Variants in CADM1 observed in about 807,000 individuals in gnomAD.
CADM1 encodes the protein cell adhesion molecule 1.
A neutral mutation model predicts 53.1 loss-of-function variants in CADM1; 15 were observed. That is an observed-to-expected ratio of 0.28 (90% CI 0.19 to 0.44). The LOEUF is 0.44. Ranked by LOEUF, CADM1 falls within the 20% of genes least tolerant of loss-of-function variation. The pLI, the probability that CADM1 is intolerant of heterozygous loss-of-function variation, is 1.00. For missense variants in CADM1, 434 were observed against 611.3 expected, an observed-to-expected ratio of 0.71 and a Z score of 3.06; for synonymous variants, 281 against 243.0, an observed-to-expected ratio of 1.16 and a Z score of -1.45.
chr11:115,463,019 G>A (rs1948828084), intron 1 of CADM1, among the ~76,000 whole-genome samples: 1 of 152,182 alleles, frequency 6.6e-6, no homozygotes, highest in Admixed American at 6.5e-5. Context: ...ATGGGCTCCT[G>A]TAAAATAGGC....
intron 1 of CADM1, among the ~76,000 whole-genome samples, chr11:115,349,355 A>C (rs1402328008): frequency 6.6e-6 from 1 of 152,214 alleles, no homozygotes; most frequent in Non-Finnish European, 1.5e-5. Context: ...TTATTACAGG[A>C]AAGTATTTCT....
intron 1 of CADM1, among the ~76,000 whole-genome samples, chr11:115,348,973 G>C (rs1018163890): frequency 6.6e-6 from 1 of 152,148 alleles, no homozygotes; most frequent in Non-Finnish European, 1.5e-5. Flanking sequence ...ACATGCTAAT[G>C]TGACATTTTA....
intron 1 of CADM1, among the ~76,000 whole-genome samples, chr11:115,282,728 C>T (rs61074877): frequency 0.011 from 1,717 of 152,304 alleles, 35 homozygotes; most frequent in African/African-American, 0.037. Context: ...CATCTTCATA[C>T]ACCAATCGCC....
intron 1 of CADM1, among the ~76,000 whole-genome samples, chr11:115,419,157 T>C (rs988655852): frequency 1.3e-5 from 2 of 152,242 alleles, no homozygotes; most frequent in African/African-American, 4.8e-5. Flanking sequence ...GAAGTTTTTA[T>C]ACTTAGAATT....
At chr11:115,351,760 G>A (rs1945743633) in intron 1 of CADM1, among the ~76,000 whole-genome samples, 1 of 152,176 alleles carries the variant, frequency 6.6e-6, no homozygotes. Context: ...TAACCAGCAT[G>A]CTCTTTCTCA....
At chr11:115,443,164 A>T (rs958482821) in intron 1 of CADM1, among the ~76,000 whole-genome samples, 1 of 152,226 alleles carries the variant, frequency 6.6e-6, no homozygotes, top group Non-Finnish European at 1.5e-5. Flanking sequence ...ATTACTAATT[A>T]GGTGAATGAA....
At chr11:115,323,424 A>T (rs1184211222) in intron 1 of CADM1, among the ~76,000 whole-genome samples, 1 of 152,184 alleles carries the variant, frequency 6.6e-6, no homozygotes, top group East Asian at 1.9e-4. Flanking sequence ...CAGTCTTGAA[A>T]TTCCACAGCA....
rs17118351 is a variant in CADM1, at chr11:115,467,742, T to C, written c.124+36529A>G. On this transcript the variant is annotated intron_variant, in intron 1 of 11. Coordinates refer to ENST00000331581, the MANE Select transcript of CADM1 (RefSeq NM_001301043.2). ...AGAAATCTACAATACTCTCATCCTA[T>C]TCTGAGTGAATGAGTTTACAGGGTT... Among the ~76,000 whole-genome samples, 1,368 of 152,348 alleles carry C rather than the reference T, an allele frequency of 9.0e-3. 23 individuals are homozygous for C. Among genetic ancestry groups the C allele is most frequent in the African/African-American group, 0.032 (1,315 of 41,582 alleles).
At chr11:115,256,298 A>C (rs1248513240) in intron 1 of CADM1, among the ~76,000 whole-genome samples, 2 of 152,268 alleles carry the variant, frequency 1.3e-5, no homozygotes, top group East Asian at 3.8e-4. Flanking sequence ...ACCAAAGTTT[A>C]AGAGAAATAA....
chr11:115,254,669 C>T (rs370578926), intron 1 of CADM1, among the ~76,000 whole-genome samples: 1 of 151,684 alleles, frequency 6.6e-6, no homozygotes, highest in African/African-American at 2.4e-5. Context: ...ATGACCAGCT[C>T]AGTTGGGATA....
chr11:115,355,707 A>AAC (rs71066418), intron 1 of CADM1, among the ~76,000 whole-genome samples: 8,023 of 150,856 alleles, frequency 0.053, 359 homozygotes, highest in East Asian at 0.26. Flanking sequence ...TTAAATTACT[A>AAC]ACACACACAC....
chr11:115,207,567 C>T (rs539606053), intron 8 of CADM1, among the ~76,000 whole-genome samples: 1 of 151,142 alleles, frequency 6.6e-6, no homozygotes, highest in African/African-American at 2.4e-5. Flanking sequence ...AGGAGTTCAG[C>T]GAGTGCTAAG....
At chr11:115,503,862 G>A (rs1949790847) in intron 1 of CADM1, among the ~76,000 whole-genome samples, 1 of 152,132 alleles carries the variant, frequency 6.6e-6, no homozygotes, top group African/African-American at 2.4e-5. Context: ...GGGGCGAATG[G>A]ACAGCCCTGG....
In CADM1 at chr11:115,311,438, T is replaced by C. The variant is rs1944530044; in HGVS notation, c.125-71018A>G. 2.0e-5 allele frequency among the ~76,000 whole-genome samples: 3 copies of C among 152,210 alleles called. No homozygotes were observed. In the South Asian group the frequency reaches 6.2e-4, roughly 32 times the overall value. On this transcript the variant is annotated intron_variant, in intron 1 of 11. Coordinates refer to ENST00000331581, the MANE Select transcript of CADM1 (RefSeq NM_001301043.2). Reference sequence around the variant, plus strand: ...CTGCATATACCAAAATCCATGCATATTCAAGTCCTGCCATTGGTCCTGCAG... The same window carrying C: ...CTGCATATACCAAAATCCATGCATACTCAAGTCCTGCCATTGGTCCTGCAG...
chr11:115,219,289 T>A (rs1307096214), intron 5 of CADM1, among the ~76,000 whole-genome samples: 1 of 152,220 alleles, frequency 6.6e-6, no homozygotes, highest in Non-Finnish European at 1.5e-5. Context: ...CACAGCTATA[T>A]AAGCTGCACA....
At chr11:115,501,813 G>A (rs1311695849) in intron 1 of CADM1, among the ~76,000 whole-genome samples, 1 of 152,132 alleles carries the variant, frequency 6.6e-6, no homozygotes, top group African/African-American at 2.4e-5. Context: ...ACAGAACTGA[G>A]GAGGAAAAGT....
At chr11:115,411,239 T>TA (rs1947453086) in intron 1 of CADM1, among the ~76,000 whole-genome samples, 1 of 152,102 alleles carries the variant, frequency 6.6e-6, no homozygotes, top group Non-Finnish European at 1.5e-5. Context: ...ACTAACAAGA[T>TA]AGGGAGATGA....
intron 3 of CADM1, among the ~76,000 whole-genome samples, chr11:115,236,031 A>C (rs1015987272): frequency 5.9e-5 from 9 of 152,198 alleles, no homozygotes; most frequent in African/African-American, 2.2e-4. Context: ...GCATAATAGT[A>C]ACTATAGAAT....
intron 1 of CADM1, among the ~76,000 whole-genome samples, chr11:115,330,960 C>A (rs929097612): frequency 6.6e-6 from 1 of 152,050 alleles, no homozygotes; most frequent in South Asian, 2.1e-4. Context: ...GTACAGGGTA[C>A]ATGTTGAGCA....
Sources: gnomAD v4.1 joint callset for allele counts (sites outside exome capture counted in the v4.1 genomes callset) on GRCh38, gnomAD v4.1.1 for gene constraint, MANE v1.5 for transcripts, NCBI Gene and HGNC (gene_info 2026-07-23, HGNC 2026-07-21) for gene names.